HMGXB3: variants seen among roughly 807,000 people sequenced by gnomAD.
HMGXB3 encodes the protein HMG domain-containing protein 3.
HMGXB3 carries 45 observed loss-of-function variants against 121.5 expected under a neutral mutation model. The observed-to-expected ratio is 0.37, with a 90% confidence interval of 0.29 to 0.47. The LOEUF (loss-of-function observed/expected upper bound fraction) is 0.47. HMGXB3 is among the 20% of genes least tolerant of loss of function. The pLI is 0.99. For synonymous variants in HMGXB3, 590 were observed against 624.1 expected (o/e 0.95, Z 0.81); for missense variants, 1,376 against 1,602.2 (o/e 0.86, Z 2.41).
At position 150,032,310 on chromosome 5, in the gene HMGXB3, T is replaced by C. The variant is rs937221612; in HGVS notation, c.1834-144T>C. 26 of 783,976 alleles carry C rather than the reference T, an allele frequency of 3.3e-5. No individual in the cohort carries two copies. In the South Asian group the frequency reaches 4.3e-4, roughly 13 times the overall value. 48.6% of individuals were successfully genotyped at this position (783,976 alleles called of 1,614,324 possible). A position where few individuals can be genotyped will look rare whatever the true frequency, so the allele number is the denominator to read the frequency against. On this transcript the variant is annotated intron_variant, in intron 10 of 19. Transcript: ENST00000502717. ...GTAAAAGAGTTAACTGCAGAAAAGGTTAAGGCTCTTGAAGTTAGGCTGAAT... is the reference window on the plus strand; with the variant it reads ...GTAAAAGAGTTAACTGCAGAAAAGGCTAAGGCTCTTGAAGTTAGGCTGAAT...
intron 7 of HMGXB3, among the ~76,000 whole-genome samples, chr5:150,026,185 G>T (rs1226559148): frequency 3.9e-5 from 6 of 152,110 alleles, no homozygotes; most frequent in Non-Finnish European, 7.4e-5. Flanking sequence ...CGATGGTTTT[G>T]TATATTTAAA....
intron 5 of HMGXB3, among the ~76,000 whole-genome samples, chr5:150,013,693 A>G (rs1755895866): frequency 6.6e-6 from 1 of 152,198 alleles, no homozygotes; most frequent in Admixed American, 6.5e-5. Flanking sequence ...AAAAATATGT[A>G]TAGGACTATT....
chr5:150,028,493 A>ATG (rs1756288541), intron 9 of HMGXB3, among the ~76,000 whole-genome samples: 1 of 85,306 alleles, frequency 1.2e-5, no homozygotes, highest in Non-Finnish European at 2.0e-5. Flanking sequence ...ATATATGTAT[A>ATG]TATATGTATG....
rs372448208 is a variant in HMGXB3 at position 150,004,864 on chromosome 5, A to G, written c.12A>G (p.Ser4=). The change falls in exon 2 of 20, where the codon TCA becomes TCG. Residue 4 remains serine (S), a synonymous_variant. Transcript: ENST00000502717. ...CCTTTCCTTTAGCCATGGACGCATCATATGATGGTACTGAGGTAACTGTCG... is the reference window on the plus strand; with the variant it reads ...CCTTTCCTTTAGCCATGGACGCATCGTATGATGGTACTGAGGTAACTGTCG... MDA[S]YDGTEVTVVM... The G allele has an allele frequency of 1.6e-5, 25 of 1,550,686 alleles. No individual in the cohort carries two copies. The South Asian group carries it at 2.0e-4, about 13-fold the overall frequency.
chr5:150,025,411 T>G (rs1038704546), intron 7 of HMGXB3, among the ~76,000 whole-genome samples: 1 of 152,212 alleles, frequency 6.6e-6, no homozygotes, highest in African/African-American at 2.4e-5. Context: ...AATTCCACTT[T>G]TAACTTTGGC....
At chr5:150,047,788 G>A (rs1756793967) in intron 17 of HMGXB3, 31 bp downstream of exon 17, 1 of 1,551,080 alleles carries the variant, frequency 6.4e-7, no homozygotes, top group Non-Finnish European at 8.7e-7. Context: ...TGGATATCGG[G>A]GCTTCTGGAG....
Position 150,052,493 on chromosome 5 carries a change from G to T in HMGXB3, c.*301G>T, listed in dbSNP as rs1465127737. The T allele has an allele frequency of 5.5e-6, 2 of 365,760 alleles. No homozygotes were observed. Among genetic ancestry groups the T allele is most frequent in the Non-Finnish European group, 1.0e-5 (2 of 197,058 alleles). 22.7% of individuals were successfully genotyped at this position (365,760 alleles called of 1,614,324 possible). A position where few individuals can be genotyped will look rare whatever the true frequency, so the allele number is the denominator to read the frequency against. ...GAAAGGCTCGTAGCTGGTGGGTTCC[G>T]TGGGGCCTGCGGTGTGGGTCAGGGT... is the stretch of plus-strand genomic sequence containing the variant. On this transcript the variant is annotated 3_prime_UTR_variant, in exon 20 of 20. Transcript: ENST00000502717.
rs1581246494 is a variant in HMGXB3, at chr5:150,008,841, C to G, written c.313-1270C>G. Among the ~76,000 whole-genome samples the G allele has an allele frequency of 1.3e-5, 2 of 152,302 alleles. 1 individual carries two copies. The highest frequency in any genetic ancestry group is 1.3e-4 in the Admixed American group (2 of 15,298). On this transcript the variant is annotated intron_variant, in intron 3 of 19. Coordinates refer to ENST00000502717, the MANE Select transcript of HMGXB3 (RefSeq NM_014983.3). ...AGGGTGGCTTGAGAATGCCATTTCC[C>G]CATTACCTCTCCAATAAAGGCTCCA...
At position 150,026,834 on chromosome 5, in the gene HMGXB3, G is replaced by A; in HGVS notation, c.1589G>A (p.Gly530Asp). ...ILPAPVNVGR[G>D]SSMGLPRARQ... is the part of the protein sequence containing the mutation. ...CCAGCCCCAGTTAACGTGGGGCGAG[G>A]CAGCAGCATGGGACTGCCCAGGGCC... The change falls in exon 8 of 20, where the codon GGC becomes GAC. Residue 530 changes from glycine to aspartate, a missense_variant. By Grantham distance (94) the Gly-to-Asp change is moderately conservative (BLOSUM62 -1). Transcript: ENST00000502717. 2 of 1,540,638 alleles carry A rather than the reference G, an allele frequency of 1.3e-6. No homozygotes were observed. Among genetic ancestry groups the A allele is most frequent in the Non-Finnish European group, 1.8e-6 (2 of 1,142,010 alleles).
In HMGXB3 at chr5:150,024,624, A is replaced by G. The variant is rs1380695265; in HGVS notation, c.1404A>G (p.Thr468=). 6.4e-7 allele frequency: 1 copy of G among 1,551,718 alleles called. No individual in the cohort carries two copies. Among genetic ancestry groups the G allele is most frequent in the South Asian group, 1.2e-5 (1 of 84,046 alleles). ...DNDSPGADVP[T]PSEGTSTSSP... ...ACAGTCCTGGAGCAGACGTACCAAC[A>G]CCATCCGAGGGGACAAGTACCTCCA... The change falls in exon 7 of 20, where the codon ACA becomes ACG. Residue 468 remains threonine, a synonymous_variant. Coordinates refer to ENST00000502717, the MANE Select transcript of HMGXB3 (RefSeq NM_014983.3).
intron 13 of HMGXB3, among the ~76,000 whole-genome samples, chr5:150,039,665 T>A (rs1440690941): frequency 6.6e-6 from 1 of 152,204 alleles, no homozygotes; most frequent in Non-Finnish European, 1.5e-5. Flanking sequence ...TCCCAGTTTA[T>A]CGCTCTATTT....
At chr5:150,048,883 A>T (rs956664784) in intron 18 of HMGXB3, among the ~76,000 whole-genome samples, 198 bp downstream of exon 18, 1 of 152,154 alleles carries the variant, frequency 6.6e-6, no homozygotes, top group African/African-American at 2.4e-5. Flanking sequence ...TAAGCACCCT[A>T]CCACATCCTG....
chr5:150,002,967 A>G (rs1755613653), intron 1 of HMGXB3, among the ~76,000 whole-genome samples: 1 of 152,012 alleles, frequency 6.6e-6, no homozygotes, highest in South Asian at 2.1e-4. Context: ...ATATAATGAG[A>G]TCTCATCTCT....
chr5:150,002,492 T>C (rs1755596234), intron 1 of HMGXB3, among the ~76,000 whole-genome samples: 1 of 152,204 alleles, frequency 6.6e-6, no homozygotes, highest in African/African-American at 2.4e-5. Context: ...ACTGCACGTA[T>C]CAGTCCCATA....
intron 16 of HMGXB3, 101 bp from the exon 17 acceptor site, chr5:150,047,523 G>T: frequency 7.3e-7 from 1 of 1,374,200 alleles, no homozygotes; most frequent in Non-Finnish European, 9.9e-7. Flanking sequence ...GGGAGGGCTT[G>T]GTGCAGAGCT....
At chr5:150,002,666 C>CA (rs1755601488) in intron 1 of HMGXB3, among the ~76,000 whole-genome samples, 2 of 151,722 alleles carry the variant, frequency 1.3e-5, no homozygotes, top group East Asian at 1.9e-4. Flanking sequence ...AACTTGGCTA[C>CA]AAAAAAAACT....
intron 11 of HMGXB3, among the ~76,000 whole-genome samples, chr5:150,033,118 T>A (rs1330976714): frequency 6.6e-6 from 1 of 152,182 alleles, no homozygotes; most frequent in Non-Finnish European, 1.5e-5. Flanking sequence ...GTAAAATACA[T>A]TCCACTTGGC....
rs1179542793 is a variant in HMGXB3 at position 150,050,443 on chromosome 5, C to T, written c.3393C>T (p.Ser1131=). 2 of 1,551,316 alleles carry T rather than the reference C, an allele frequency of 1.3e-6. No individual in the cohort carries two copies. Among genetic ancestry groups the T allele is most frequent in the Admixed American group, 2.0e-5 (1 of 51,006 alleles). The change falls in exon 19 of 20, where the codon AGC becomes AGT. Residue 1131 remains serine, a synonymous_variant. Transcript: ENST00000502717. The part of the protein sequence containing the change: ...MWGRNQGCFS[S]PTEPPVSVSC... ...GGAGGAACCAGGGCTGTTTCTCTAG[C>T]CCCACAGAGCCACCTGTGGTGAGTC...
chr5:150,012,043 A>G (rs538054279), intron 4 of HMGXB3, among the ~76,000 whole-genome samples: 9 of 152,374 alleles, frequency 5.9e-5, no homozygotes, highest in South Asian at 2.1e-4. Context: ...TTTCTCATCT[A>G]TAAAATAAAC....
Sources: allele counts gnomAD v4.1 joint callset (sites outside exome capture counted in the v4.1 genomes callset), GRCh38; gene constraint gnomAD v4.1.1; transcripts MANE v1.5; gene names NCBI Gene and HGNC (gene_info 2026-07-23, HGNC 2026-07-21).